KLHL41: variants seen among roughly 807,000 people sequenced by gnomAD.
KLHL41 encodes the protein kelch like family member 41, also known as kelch-like protein 41.
KLHL41 carries 31 observed loss-of-function variants against 49.2 expected under a neutral mutation model. The ratio of observed to expected loss-of-function variants is 0.63; its 90% CI spans 0.47 to 0.85. The LOEUF is 0.85. Ranked by LOEUF, KLHL41 falls within the 40% of genes least tolerant of loss-of-function variation. KLHL41 has a pLI of 0.00. For missense variants in KLHL41, 663 were observed against 726.7 expected (o/e 0.91, Z 1.01); for synonymous variants, 218 against 258.5 (o/e 0.84, Z 1.50).
chr2:169,525,893 T>G lies in KLHL41; in HGVS notation c.*197T>G, dbSNP rs1684297910. The G allele has an allele frequency of 2.6e-6, 1 of 383,660 alleles. No individual in the cohort carries two copies. The highest frequency in any genetic ancestry group is 4.3e-5 in the Admixed American group (1 of 23,112). 23.8% of individuals were successfully genotyped at this position (383,660 alleles called of 1,614,324 possible). On this transcript the variant is annotated 3_prime_UTR_variant, in exon 6 of 6. Coordinates refer to ENST00000284669, the MANE Select transcript of KLHL41 (RefSeq NM_006063.3). ...TAATGATCAGAGTTTAAAACCATTT[T>G]CTAATAATAAATTAAATCTTCAGTT...
Position 169,510,056 on chromosome 2 carries a change from C to A in KLHL41, c.278C>A (p.Ser93Tyr), listed in dbSNP as rs778451557. Residue 93 changes from serine to tyrosine, a missense_variant, in exon 1 of 6, where the codon TCT (serine) becomes TAT (tyrosine). Ser to Tyr is a moderately radical substitution (Grantham distance 144). Around this residue, in one of 3 missense-constraint regions of KLHL41, gnomAD observed 129 missense variants for 122.1 expected, o/e 1.06. Coordinates refer to ENST00000284669, the MANE Select transcript of KLHL41 (RefSeq NM_006063.3). The surrounding 1 kb of genome is among the most constrained non-coding windows in gnomAD (Gnocchi z 4.2). ...ILDLIIKYLY[S>Y]ASIDLNDGNV... ...GATTTAATCATCAAATACCTGTACT[C>A]TGCCAGTATTGATCTCAATGACGGA... is the stretch of plus-strand genomic sequence containing the variant. 1.2e-6 allele frequency: 2 copies of A among 1,614,166 alleles called. No individual in the cohort carries two copies. Among genetic ancestry groups the A allele is most frequent in the South Asian group, 2.2e-5 (2 of 91,072 alleles).
In KLHL41 at chr2:169,510,315, G is replaced by T; in HGVS notation, c.537G>T (p.Leu179=). 6.2e-7 allele frequency: 1 copy of T among 1,614,126 alleles called. No homozygotes were observed. Among genetic ancestry groups the T allele is most frequent in the Non-Finnish European group, 8.5e-7 (1 of 1,180,024 alleles). ...EDFMQLSPQE[L]ISVISNDSLN... ...TTATGCAACTGTCTCCACAGGAACT[G>T]ATCTCAGTCATTTCAAATGACAGCC... The change falls in exon 1 of 6, where the codon CTG becomes CTT. Residue 179 remains leucine (L), a synonymous_variant. Transcript: ENST00000284669. This position sits in a 1 kb window ranked among gnomAD's most constrained non-coding sequence, Gnocchi z 4.2.
chr2:169,520,753 G>T, intron 4 of KLHL41, 108 bp from the exon 5 acceptor site: 2 of 901,662 alleles, frequency 2.2e-6, no homozygotes, highest in Non-Finnish European at 3.3e-6. Flanking sequence ...GCGCCTGGCT[G>T]CCTGGCCACT....
chr2:169,519,682 A>C (rs1238512024), intron 4 of KLHL41, among the ~76,000 whole-genome samples: 6 of 141,086 alleles, frequency 4.3e-5, no homozygotes, highest in African/African-American at 1.1e-4. Flanking sequence ...ACAGGGTCTC[A>C]CTGTGTCACA....
At position 169,510,090 on chromosome 2, in the gene KLHL41, A is replaced by C; in HGVS notation, c.312A>C (p.Gln104His). The C allele has an allele frequency of 6.2e-7, 1 of 1,614,160 alleles. No homozygotes were observed. The highest frequency in any genetic ancestry group is 8.5e-7 in the Non-Finnish European group (1 of 1,180,030). Reference sequence around the variant, plus strand: ...TTGATCTCAATGACGGAAATGTGCAAGATATTTTTGCATTGGCCAGCCGCT... The same window carrying C: ...TTGATCTCAATGACGGAAATGTGCACGATATTTTTGCATTGGCCAGCCGCT... ...ASIDLNDGNV[Q>H]DIFALASRFQ... The change falls in exon 1 of 6, where the codon CAA becomes CAC. Residue 104 changes from glutamine (Q) to histidine (H), a missense_variant. Around this residue, in one of 3 missense-constraint regions of KLHL41, gnomAD observed 129 missense variants for 122.1 expected, o/e 1.06. Transcript: ENST00000284669. This position sits in a 1 kb window ranked among gnomAD's most constrained non-coding sequence, Gnocchi z 4.2.
At chr2:169,522,457 T>TG in intron 5 of KLHL41, among the ~76,000 whole-genome samples, 1 of 151,732 alleles carries the variant, frequency 6.6e-6, no homozygotes, top group Non-Finnish European at 1.5e-5. Context: ...AACAGTGAGA[T>TG]GGGGAAAAGC....
chr2:169,524,181 ATTAT>A (rs1353070631), intron 5 of KLHL41, among the ~76,000 whole-genome samples: 1 of 152,090 alleles, frequency 6.6e-6, no homozygotes, highest in Non-Finnish European at 1.5e-5. Flanking sequence ...ATTTAAAACT[ATTAT>A]TTATCTCTTA....
In KLHL41 at chr2:169,510,948, G is replaced by T. The variant is rs1574349777; in HGVS notation, c.1110+60G>T. 1 of 1,405,410 alleles carries T rather than the reference G, an allele frequency of 7.1e-7. No individual in the cohort carries two copies. Among genetic ancestry groups the T allele is most frequent in the East Asian group, 2.3e-5 (1 of 43,874 alleles). The allele number at this position is 1,405,410 out of a possible 1,614,324, so 87.1% of individuals were successfully genotyped here. On this transcript the variant is annotated intron_variant, in intron 1 of 5. Coordinates refer to ENST00000284669, the MANE Select transcript of KLHL41 (RefSeq NM_006063.3). This position sits in a 1 kb window ranked among gnomAD's most constrained non-coding sequence, Gnocchi z 4.2. ...AGGGAAGGCTGTTACTCACCATCCAGTTAGCCAATTTGTGAATTATTCAAG... is the reference window on the plus strand; with the variant it reads ...AGGGAAGGCTGTTACTCACCATCCATTTAGCCAATTTGTGAATTATTCAAG...
At chr2:169,514,244 C>A (rs994178607) in intron 1 of KLHL41, 22 of 200,348 alleles carry the variant, frequency 1.1e-4, no homozygotes, top group Non-Finnish European at 7.0e-5. Flanking sequence ...ATGAGGATCT[C>A]CTGTTTCAAA....
intron 4 of KLHL41, among the ~76,000 whole-genome samples, chr2:169,520,275 A>AGTGTGTGTGTGTGTGTGT (rs71003095): frequency 1.4e-4 from 8 of 56,898 alleles, no homozygotes; most frequent in South Asian, 8.8e-4. Context: ...CTCCTGCCTC[A>AGTGTGTGTGTGTGTGTGT]GTGTGTGTGT....
intron 5 of KLHL41, among the ~76,000 whole-genome samples, chr2:169,522,554 A>T (rs1684218979): frequency 6.6e-6 from 1 of 152,004 alleles, no homozygotes; most frequent in Non-Finnish European, 1.5e-5. Flanking sequence ...CAAATATATA[A>T]ATGGGCAGTG....
At chr2:169,524,425 T>TC (rs1329932563) in intron 5 of KLHL41, among the ~76,000 whole-genome samples, 27 of 141,618 alleles carry the variant, frequency 1.9e-4, no homozygotes, top group Non-Finnish European at 6.0e-5. Context: ...AATCTTTTTT[T>TC]TTTTTTTTTT....
intron 5 of KLHL41, among the ~76,000 whole-genome samples, chr2:169,523,368 G>A (rs935439318): frequency 2.6e-5 from 4 of 152,278 alleles, no homozygotes; most frequent in East Asian, 3.9e-4. Flanking sequence ...AATTTAATTG[G>A]TCTGAAGTAT....
intron 1 of KLHL41, 153 bp from the exon 2 acceptor site, chr2:169,514,421 C>A (rs1684075587): frequency 1.9e-6 from 1 of 535,736 alleles, no homozygotes; most frequent in Non-Finnish European, 3.2e-6. Flanking sequence ...TTATGAGCTA[C>A]AATGTGATAC....
chr2:169,520,152 CTGTGTG>C (rs59155387), intron 4 of KLHL41, among the ~76,000 whole-genome samples: 5,334 of 104,884 alleles, frequency 0.051, 216 homozygotes, highest in African/African-American at 0.061. Flanking sequence ...AGGCCTAGCT[CTGTGTG>C]TGTGTGTGTG....
chr2:169,520,027 T>A (rs778568999), intron 4 of KLHL41, among the ~76,000 whole-genome samples: 1 of 151,462 alleles, frequency 6.6e-6, no homozygotes, highest in African/African-American at 2.4e-5. Context: ...AAAGACAGGG[T>A]TTTGCTCTAT....
intron 5 of KLHL41, 138 bp downstream of exon 5, chr2:169,521,145 A>T: frequency 2.8e-6 from 2 of 702,082 alleles, no homozygotes; most frequent in Non-Finnish European, 4.7e-6. Flanking sequence ...TTCAAACCTA[A>T]TTGAACTTCT....
chr2:169,518,385 C>G lies in KLHL41; in HGVS notation c.1562+10C>G, dbSNP rs749491442. 2 of 1,594,126 alleles carry G rather than the reference C, an allele frequency of 1.3e-6. No individual in the cohort carries two copies. The highest frequency in any genetic ancestry group is 1.7e-6 in the Non-Finnish European group (2 of 1,165,050). ...ACCTTACAACAAATAAGTGAGTTGC[C>G]ACATCTTAGTATATAGCATGTGAAC... On this transcript the variant is annotated intron_variant, in intron 4 of 5. Transcript: ENST00000284669.
At chr2:169,519,297 AAG>A (rs1403502786) in intron 4 of KLHL41, among the ~76,000 whole-genome samples, 1 of 152,212 alleles carries the variant, frequency 6.6e-6, no homozygotes, top group Non-Finnish European at 1.5e-5. Flanking sequence ...ATGAAGAAAA[AAG>A]AGAAATATTA....
Sources: allele counts gnomAD v4.1 joint callset (sites outside exome capture counted in the v4.1 genomes callset), GRCh38; gene constraint gnomAD v4.1.1; regional missense constraint gnomAD v4.1.1; non-coding constraint Gnocchi (gnomAD v3.1); transcripts MANE v1.5; gene names NCBI Gene and HGNC (gene_info 2026-07-23, HGNC 2026-07-21).